Variants in MCCC2 observed in about 807,000 individuals in gnomAD.
MCCC2 encodes methylcrotonyl-CoA carboxylase subunit 2, also known as methylcrotonoyl-CoA carboxylase beta chain, mitochondrial.
A neutral mutation model predicts 77.2 loss-of-function variants in MCCC2; 52 were observed. The observed-to-expected ratio is 0.67, with a 90% CI of 0.54 to 0.85. The LOEUF (loss-of-function observed/expected upper bound fraction) is 0.85, where lower values mean the gene tolerates loss of function less well. Among genes scored for constraint, MCCC2 ranks in the 40% least tolerant of loss-of-function variants. The pLI is 0.00. For synonymous variants in MCCC2, 253 were observed against 248.4 expected (o/e 1.02, Z -0.18); for missense variants, 682 against 703.2 (o/e 0.97, Z 0.34).
intron 4 of MCCC2, among the ~76,000 whole-genome samples, chr5:71,602,264 CTT>C (rs918905792): frequency 6.6e-6 from 1 of 151,958 alleles, no homozygotes; most frequent in African/African-American, 2.4e-5. Context: ...GGACTGATGA[CTT>C]TTCAAAAACC....
At chr5:71,640,960 T>C (rs1354974188) in intron 10 of MCCC2, 43 bp from the exon 11 acceptor site, 2 of 1,547,736 alleles carry the variant, frequency 1.3e-6, no homozygotes, top group East Asian at 2.2e-5. Flanking sequence ...AAAAATTCTT[T>C]TGCAATATAA....
At chr5:71,625,363 G>A (rs948603827) in intron 6 of MCCC2, among the ~76,000 whole-genome samples, 2 of 152,178 alleles carry the variant, frequency 1.3e-5, no homozygotes, top group African/African-American at 4.8e-5. Flanking sequence ...CAAACATGCA[G>A]AAAGTATACA....
At chr5:71,652,776 ACT>A in intron 16 of MCCC2, 22 bp downstream of exon 16, 3 of 1,603,136 alleles carry the variant, frequency 1.9e-6, no homozygotes, top group African/African-American at 1.3e-5. Flanking sequence ...AACATCACTA[ACT>A]CTCTGATGGG....
At chr5:71,628,366 C>A (rs981007200) in intron 7 of MCCC2, among the ~76,000 whole-genome samples, 24 of 152,174 alleles carry the variant, frequency 1.6e-4, no homozygotes, top group African/African-American at 5.8e-4. Flanking sequence ...CTTTGAAGCA[C>A]AAAAGTTTTA....
chr5:71,612,929 A>G (rs1202803755), intron 6 of MCCC2, among the ~76,000 whole-genome samples: 4 of 152,220 alleles, frequency 2.6e-5, no homozygotes, highest in Non-Finnish European at 4.4e-5. Flanking sequence ...CTCTGCAGTC[A>G]AGGCAGCAGC....
In MCCC2 at chr5:71,658,102, A is replaced by C. The variant is rs1436322120; in HGVS notation, c.*1242A>C. ...CCATCCTGAAGTGAAAAGTAATGTC[A>C]GATTACTCCCTTCAGTGATTTCTTG... On this transcript the variant is annotated 3_prime_UTR_variant, in exon 17 of 17. Coordinates refer to ENST00000340941, the MANE Select transcript of MCCC2 (RefSeq NM_022132.5). 6.6e-6 allele frequency: 1 copy of C among 152,196 alleles called. No individual in the cohort carries two copies. The highest frequency in any genetic ancestry group is 1.9e-4 in the East Asian group (1 of 5,200). The allele number at this position is 152,196 out of a possible 1,614,324, so 9.4% of individuals were successfully genotyped here.
intron 6 of MCCC2, among the ~76,000 whole-genome samples, chr5:71,615,036 G>A (rs1044088142): frequency 1.4e-4 from 22 of 151,874 alleles, no homozygotes; most frequent in Non-Finnish European, 3.1e-4. Context: ...GCACGATCTC[G>A]GCTCACTGCA....
At chr5:71,598,065 GTGTT>G (rs1745260084) in intron 3 of MCCC2, among the ~76,000 whole-genome samples, 1 of 149,800 alleles carries the variant, frequency 6.7e-6, no homozygotes, top group Non-Finnish European at 1.5e-5. Context: ...ACATGAGTGA[GTGTT>G]TCTTTTTTTT....
chr5:71,620,220 T>C (rs1216658349), intron 6 of MCCC2, among the ~76,000 whole-genome samples: 1 of 152,168 alleles, frequency 6.6e-6, no homozygotes, highest in Non-Finnish European at 1.5e-5. Context: ...GTATAGTTGA[T>C]AACGTTCTTA....
chr5:71,623,954 G>A (rs1374146289), intron 6 of MCCC2, among the ~76,000 whole-genome samples: 1 of 152,172 alleles, frequency 6.6e-6, no homozygotes, highest in Non-Finnish European at 1.5e-5. Flanking sequence ...CTCAAATGGT[G>A]TCTTAGTCAT....
At chr5:71,656,199 G>A (rs1176437500) in intron 16 of MCCC2, among the ~76,000 whole-genome samples, 1 of 152,178 alleles carries the variant, frequency 6.6e-6, no homozygotes, top group Non-Finnish European at 1.5e-5. Flanking sequence ...CAGCCTGGGT[G>A]ACAGAGCGAG....
chr5:71,608,243 T>G (rs1227926031), intron 6 of MCCC2, among the ~76,000 whole-genome samples: 2 of 117,938 alleles, frequency 1.7e-5, no homozygotes, highest in Non-Finnish European at 3.5e-5. Flanking sequence ...GGACTTGCTT[T>G]ATGACTCTGG....
chr5:71,653,291 C>T (rs764095270), intron 16 of MCCC2, among the ~76,000 whole-genome samples: 8 of 152,158 alleles, frequency 5.3e-5, no homozygotes, highest in Non-Finnish European at 1.0e-4. Flanking sequence ...ACCATTGCCG[C>T]TGTTGGCTCG....
chr5:71,656,618 T>C, intron 16 of MCCC2, 125 bp from the exon 17 acceptor site: 3 of 794,492 alleles, frequency 3.8e-6, no homozygotes, highest in Non-Finnish European at 2.3e-6. Context: ...TTATGGTACA[T>C]GGATGCTAAT....
At chr5:71,653,982 G>T (rs1747513952) in intron 16 of MCCC2, among the ~76,000 whole-genome samples, 3 of 152,046 alleles carry the variant, frequency 2.0e-5, no homozygotes, top group African/African-American at 7.2e-5. Flanking sequence ...TACCATTTGG[G>T]TGTGTGTATG....
chr5:71,595,186 C>T (rs1457663234), intron 2 of MCCC2, among the ~76,000 whole-genome samples: 1 of 152,126 alleles, frequency 6.6e-6, no homozygotes, highest in East Asian at 1.9e-4. Context: ...AGGCATGACC[C>T]ACCTGTCACT....
chr5:71,596,794 G>A (rs1256156332), intron 3 of MCCC2, among the ~76,000 whole-genome samples: 1 of 152,098 alleles, frequency 6.6e-6, no homozygotes, highest in Non-Finnish European at 1.5e-5. Flanking sequence ...CAAAAAATTA[G>A]CTGGGCATGG....
chr5:71,596,625 G>C (rs1745199964), intron 3 of MCCC2, among the ~76,000 whole-genome samples: 1 of 152,132 alleles, frequency 6.6e-6, no homozygotes. Flanking sequence ...CATAGCAAAG[G>C]GAGACAGAAA....
Position 71,604,420 on chromosome 5 carries a change from C to G in MCCC2, c.576C>G (p.Gly192=). ...ADVFPDRDHF[G]RTFYNQAIMS... Reference sequence around the variant, plus strand: ...TGTTTCCAGATCGAGACCACTTTGGCCGTACATTCTATAATCAGGCAATTA... The same window carrying G: ...TGTTTCCAGATCGAGACCACTTTGGGCGTACATTCTATAATCAGGCAATTA... Residue 192 remains glycine, a synonymous_variant, in exon 6 of 17, where the codon GGC becomes GGG. Coordinates refer to ENST00000340941, the MANE Select transcript of MCCC2 (RefSeq NM_022132.5). 1 of 1,614,070 alleles carries G rather than the reference C, an allele frequency of 6.2e-7. No individual in the cohort carries two copies. Among genetic ancestry groups the G allele is most frequent in the South Asian group, 1.1e-5 (1 of 91,082 alleles).
Sources: gnomAD v4.1 joint callset for allele counts (sites outside exome capture counted in the v4.1 genomes callset) on GRCh38, gnomAD v4.1.1 for gene constraint, MANE v1.5 for transcripts, NCBI Gene and HGNC (gene_info 2026-07-23, HGNC 2026-07-21) for gene names.